The following NLRX1 variants were observed in gnomAD, a reference collection of about 807,000 sequenced individuals.
NLRX1 encodes NLR family member X1, also known as NOD-like receptor X1.
A neutral mutation model predicts 74.2 loss-of-function variants in NLRX1; 67 were observed. The observed-to-expected ratio is 0.90, with a 90% CI of 0.74 to 1.11. NLRX1 has a LOEUF of 1.11. Ranked by LOEUF, NLRX1 falls within the 50% of genes least tolerant of loss-of-function variation. NLRX1 has a pLI of 0.00. For missense variants in NLRX1, 1,191 were observed against 1,305.4 expected, an observed-to-expected ratio of 0.91 and a Z score of 1.35; for synonymous variants, 506 against 559.1, an observed-to-expected ratio of 0.91 and a Z score of 1.34.
Position 119,173,606 on chromosome 11 carries a change from C to T in NLRX1, c.357C>T (p.Thr119=), listed in dbSNP as rs1592323298. The change falls in exon 5 of 10, where the codon ACC becomes ACT. Residue 119 remains threonine (T), a synonymous_variant. Coordinates refer to ENST00000409109, the MANE Select transcript of NLRX1 (RefSeq NM_001282144.2). The surrounding 1 kb of genome is among the most constrained non-coding windows in gnomAD (Gnocchi z 4.0). ...TTGACCCTGTGATCCGCGAGAGTAC[C>T]CCTGATGAGCTACTTCGCCCACCCG... The part of the protein sequence containing the change: ...VHVDPVIRES[T]PDELLRPPAE... The T allele has an allele frequency of 3.7e-6, 6 of 1,614,040 alleles. No homozygotes were observed. Among genetic ancestry groups the T allele is most frequent in the Non-Finnish European group, 5.1e-6 (6 of 1,180,052 alleles).
At chr11:119,176,088 C>A (rs1193815861) in intron 6 of NLRX1, among the ~76,000 whole-genome samples, 2 of 152,154 alleles carry the variant, frequency 1.3e-5, no homozygotes, top group African/African-American at 4.8e-5. Context: ...GCTCTTTCTG[C>A]CAAACTATAC....
Position 119,173,632 on chromosome 11 carries a change from C to T in NLRX1, c.383C>T (p.Ala128Val), listed in dbSNP as rs768298689. The T allele has an allele frequency of 6.2e-6, 10 of 1,614,000 alleles. No homozygotes were observed. Among genetic ancestry groups the T allele is most frequent in the Admixed American group, 3.3e-5 (2 of 60,014 alleles). ...STPDELLRPP[A>V]ELALEHQPPQ... ...CCTGATGAGCTACTTCGCCCACCCG[C>T]GGAGCTGGCCCTGGAGCATCAGCCA... Residue 128 changes from alanine to valine, a missense_variant, in exon 5 of 10, where the codon GCG (alanine) becomes GTG (valine). Physicochemically the swap from Ala to Val is moderately conservative, Grantham distance 64. Transcript: ENST00000409109. This position sits in a 1 kb window ranked among gnomAD's most constrained non-coding sequence, Gnocchi z 4.0.
chr11:119,171,545 C>G, intron 2 of NLRX1, 72 bp downstream of exon 2: 6 of 1,100,936 alleles, frequency 5.4e-6, no homozygotes, highest in Non-Finnish European at 8.3e-6. Context: ...GCCTCCAAGA[C>G]AGCAGGGATC....
rs1592327085 is a variant in NLRX1 at position 119,175,068 on chromosome 11, A to G, written c.1465A>G (p.Thr489Ala). 7.4e-6 allele frequency: 12 copies of G among 1,613,998 alleles called. No individual in the cohort carries two copies. In the East Asian group the frequency reaches 2.7e-4, roughly 36 times the overall value. The change falls in exon 6 of 10, where the codon ACC (threonine) becomes GCC (alanine). Residue 489 changes from threonine (T) to alanine (A), a missense_variant. Thr to Ala is a moderately conservative substitution (Grantham distance 58). Coordinates refer to ENST00000409109, the MANE Select transcript of NLRX1 (RefSeq NM_001282144.2). ...ATGTGTGGAGCCAGGGCGTGCAGGC[A>G]CCTTCGTGTTCACCGTGCCCGCCAT... Reference protein sequence around the residue: ...APCVEPGRAGTFVFTVPAMQE... With the variant: ...APCVEPGRAGAFVFTVPAMQE...
rs766241959 is a variant in NLRX1, at chr11:119,173,777, G to A, written c.528G>A (p.Val176=). Residue 176 remains valine, a synonymous_variant, in exon 5 of 10, where the codon GTG becomes GTA. Transcript: ENST00000409109. This position sits in a 1 kb window ranked among gnomAD's most constrained non-coding sequence, Gnocchi z 4.0. ...TGGGCACAGGCAAGAGCACGCTGGT[G>A]CGCAAGATGGTTCTGGACTGGTGTT... ...GTVGTGKSTL[V]RKMVLDWCYG... 2 of 1,613,628 alleles carry A rather than the reference G, an allele frequency of 1.2e-6. No individual in the cohort carries two copies. The highest frequency in any genetic ancestry group is 1.7e-6 in the Non-Finnish European group (2 of 1,180,030).
intron 1 of NLRX1, among the ~76,000 whole-genome samples, chr11:119,171,007 G>A (rs1003655259): frequency 2.0e-5 from 3 of 152,220 alleles, no homozygotes; most frequent in African/African-American, 7.2e-5. Flanking sequence ...GCCCAGTGTG[G>A]TGGTGGGCGC....
rs563657046 is a variant in NLRX1 at position 119,183,063 on chromosome 11, G to A, written c.2607-55G>A. 9 of 1,511,164 alleles carry A rather than the reference G, an allele frequency of 6.0e-6. No homozygotes were observed. The highest frequency in any genetic ancestry group is 1.7e-4 in the Middle Eastern group (1 of 5,814). 93.6% of individuals were successfully genotyped at this position (1,511,164 alleles called of 1,614,324 possible). On this transcript the variant is annotated intron_variant, in intron 9 of 9. Transcript: ENST00000409109. The surrounding 1 kb of genome is among the most constrained non-coding windows in gnomAD (Gnocchi z 5.7). ...CCTGACTTTCCATCCATCTACCCTC[G>A]GGCCCTCCTTCTCAGAGCTCTACTG...
At position 119,168,982 on chromosome 11, in the gene NLRX1, C is replaced by A. The variant is rs919605832; in HGVS notation, c.-369C>A. 3 of 152,248 alleles carry A rather than the reference C, an allele frequency of 2.0e-5. No homozygotes were observed. Among genetic ancestry groups the A allele is most frequent in the Admixed American group, 2.0e-4 (3 of 15,286 alleles). The allele number at this position is 152,248 out of a possible 1,614,324, so 9.4% of individuals were successfully genotyped here. A position where few individuals can be genotyped will look rare whatever the true frequency, so the allele number is the denominator to read the frequency against. ...TCTGGGAGCTAGCGGGAGACGCCGG[C>A]GTCCGCCCAGCCGACCCCTCTGGGC... On this transcript the variant is annotated 5_prime_UTR_variant, in exon 1 of 10. Transcript: ENST00000409109.
At chr11:119,177,293 A>G (rs901507253) in intron 6 of NLRX1, among the ~76,000 whole-genome samples, 6 of 147,244 alleles carry the variant, frequency 4.1e-5, no homozygotes, top group African/African-American at 1.5e-4. Flanking sequence ...TGTTGGCCAG[A>G]CTGGTCTTGA....
chr11:119,179,581 CA>C lies in NLRX1; in HGVS notation c.1672-110del, dbSNP rs1948778200. Reference sequence around the variant, plus strand: ...ATGATCAGACAAATTATGCTAAGTTCAAGGGGAGATCACAGGGCTGGAGCAG... The same window carrying C: ...ATGATCAGACAAATTATGCTAAGTTCAGGGGAGATCACAGGGCTGGAGCAG... On this transcript the variant is annotated intron_variant, in intron 6 of 9. Coordinates refer to ENST00000409109, the MANE Select transcript of NLRX1 (RefSeq NM_001282144.2). The C allele has an allele frequency of 3.4e-6, 3 of 894,196 alleles. No individual in the cohort carries two copies. The Admixed American group carries it at 7.2e-5, about 21-fold the overall frequency. 55.4% of individuals were successfully genotyped at this position (894,196 alleles called of 1,614,324 possible).
Position 119,172,201 on chromosome 11 carries a change from G to A in NLRX1, c.71-155G>A, listed in dbSNP as rs182646651. 4.7e-3 allele frequency among the ~76,000 whole-genome samples: 710 copies of A among 152,324 alleles called. 4 individuals carry two copies. Among genetic ancestry groups the A allele is most frequent in the Middle Eastern group, 0.014 (4 of 294 alleles). On this transcript the variant is annotated intron_variant, in intron 2 of 9. Coordinates refer to ENST00000409109, the MANE Select transcript of NLRX1 (RefSeq NM_001282144.2). ...GAGGAGAGAGGAATGAATGTTAATC[G>A]AATAATCACACAATGAAATATAAAA...
intron 6 of NLRX1, among the ~76,000 whole-genome samples, chr11:119,179,397 G>A (rs2135184221): frequency 6.6e-6 from 1 of 152,232 alleles, no homozygotes; most frequent in East Asian, 1.9e-4. Context: ...CACTTTGGGG[G>A]GCCTAAGCTA....
In NLRX1 at chr11:119,182,153, G is replaced by A; in HGVS notation, c.2414G>A (p.Gly805Glu). 1 of 1,614,158 alleles carries A rather than the reference G, an allele frequency of 6.2e-7. No individual in the cohort carries two copies. The highest frequency in any genetic ancestry group is 8.5e-7 in the Non-Finnish European group (1 of 1,180,030). ...GVAVLMEGLA[G>E]NTSVTHLSLL... ...GCCGTGCTAATGGAGGGGCTGGCAGGAAACACCTCAGTGACGCACCTGTCC... is the reference window on the plus strand; with the variant it reads ...GCCGTGCTAATGGAGGGGCTGGCAGAAAACACCTCAGTGACGCACCTGTCC... The change falls in exon 9 of 10, where the codon GGA (glycine) becomes GAA (glutamate). Residue 805 changes from glycine (G) to glutamate (E), a missense_variant. Coordinates refer to ENST00000409109, the MANE Select transcript of NLRX1 (RefSeq NM_001282144.2).
In NLRX1 at chr11:119,171,879, C is replaced by T. The variant is rs61478360; in HGVS notation, c.70+406C>T. Among the ~76,000 whole-genome samples the T allele has an allele frequency of 4.3e-3, 648 of 151,852 alleles. 4 individuals are homozygous for T. Among genetic ancestry groups the T allele is most frequent in the African/African-American group, 0.015 (601 of 41,414 alleles). On this transcript the variant is annotated intron_variant, in intron 2 of 9. Transcript: ENST00000409109. ...GCTGAGGCAGGAGAATCATTTGAACCGGGAGGCAGAAGTTGCAGTGAGCTG... is the reference window on the plus strand; with the variant it reads ...GCTGAGGCAGGAGAATCATTTGAACTGGGAGGCAGAAGTTGCAGTGAGCTG...
intron 2 of NLRX1, among the ~76,000 whole-genome samples, chr11:119,171,885 G>A (rs1948558756): frequency 1.3e-5 from 2 of 151,976 alleles, no homozygotes; most frequent in Admixed American, 1.3e-4. Context: ...GAACCGGGAG[G>A]CAGAAGTTGC....
At chr11:119,172,112 G>A (rs1173118801) in intron 2 of NLRX1, among the ~76,000 whole-genome samples, 1 of 152,126 alleles carries the variant, frequency 6.6e-6, no homozygotes. Flanking sequence ...AAATAATTGT[G>A]AACAAAAACA....
At chr11:119,169,777 C>T (rs1330784822) in intron 1 of NLRX1, among the ~76,000 whole-genome samples, 5 of 152,040 alleles carry the variant, frequency 3.3e-5, no homozygotes, top group Admixed American at 1.3e-4. Flanking sequence ...ATCACTTGAG[C>T]CCAGGAGTTC....
At chr11:119,180,701 CAAA>C (rs1302396352) in intron 7 of NLRX1, among the ~76,000 whole-genome samples, 1 of 84,456 alleles carries the variant, frequency 1.2e-5, no homozygotes, top group Non-Finnish European at 2.5e-5. Context: ...AACTCCGTCT[CAAA>C]AAAAAAAAAA....
In NLRX1 at chr11:119,174,178, C is replaced by G. The variant is rs113453023; in HGVS notation, c.849+80C>G. 6 of 1,517,996 alleles carry G rather than the reference C, an allele frequency of 4.0e-6. No individual in the cohort carries two copies. The African/African-American group carries it at 4.1e-5, about 10-fold the overall frequency. The allele number at this position is 1,517,996 out of a possible 1,614,324, so 94.0% of individuals were successfully genotyped here. A position where few individuals can be genotyped will look rare whatever the true frequency, so the allele number is the denominator to read the frequency against. ...GTCCTGGGTTACTTTAACTCCTGGTCCCTTCACTTCCCAGTGGTGCGACCC... is the reference window on the plus strand; with the variant it reads ...GTCCTGGGTTACTTTAACTCCTGGTGCCTTCACTTCCCAGTGGTGCGACCC... On this transcript the variant is annotated intron_variant, in intron 5 of 9. Transcript: ENST00000409109.
Sources: gnomAD v4.1 joint callset for allele counts (sites outside exome capture counted in the v4.1 genomes callset) on GRCh38, gnomAD v4.1.1 for gene constraint, Gnocchi (gnomAD v3.1) non-coding constraint, MANE v1.5 for transcripts, NCBI Gene and HGNC (gene_info 2026-07-23, HGNC 2026-07-21) for gene names.